Variants in WBP2 observed in about 807,000 individuals in gnomAD.
WBP2 encodes the protein WW domain binding protein 2, also known as WW domain-binding protein 2.
Under a neutral mutation model 33.0 loss-of-function variants are expected in WBP2, and 23 were observed. The observed-to-expected ratio is 0.70, with a 90% CI of 0.50 to 0.99. WBP2 has a LOEUF of 0.99. Ranked by LOEUF, WBP2 falls within the 50% of genes least tolerant of loss-of-function variation. WBP2 has a pLI of 0.00. For synonymous variants in WBP2, 153 were observed against 133.5 expected, an observed-to-expected ratio of 1.15 and a Z score of -1.01; for missense variants, 353 against 358.0, an observed-to-expected ratio of 0.99 and a Z score of 0.11.
intron 1 of WBP2, chr17:75,852,609 C>T (rs938721439): frequency 1.8e-5 from 3 of 167,236 alleles, no homozygotes; most frequent in Non-Finnish European, 3.7e-5. Flanking sequence ...GCGCCCGCCA[C>T]CACGACTGGC....
rs2064988286 is a variant in WBP2, at chr17:75,846,097, C to T, written c.*637G>A. On this transcript the variant is annotated 3_prime_UTR_variant, in exon 8 of 8. Coordinates refer to ENST00000254806, the MANE Select transcript of WBP2 (RefSeq NM_012478.4). The surrounding 1 kb of genome is among the most constrained non-coding windows in gnomAD (Gnocchi z 4.8). ...GAAACACCAGCAAAAGGCAGAAGGGCTTCCTCCCAGCCTCGGCGGCCCTGC... is the reference window on the plus strand; with the variant it reads ...GAAACACCAGCAAAAGGCAGAAGGGTTTCCTCCCAGCCTCGGCGGCCCTGC... 6.5e-6 allele frequency: 1 copy of T among 152,788 alleles called. No individual in the cohort carries two copies. The highest frequency in any genetic ancestry group is 2.4e-5 in the African/African-American group (1 of 41,460). 9.5% of individuals were successfully genotyped at this position (152,788 alleles called of 1,614,324 possible).
At chr17:75,855,988 G>T (rs900148583), upstream of WBP2, among the ~76,000 whole-genome samples, 1 of 152,166 alleles carries the variant, frequency 6.6e-6, no homozygotes, top group Non-Finnish European at 1.5e-5. Context: ...GAGGCCGTGT[G>T]CCCCGCCTGG....
intron 1 of WBP2, among the ~76,000 whole-genome samples, chr17:75,853,665 C>T (rs1313109853): frequency 6.6e-6 from 1 of 152,094 alleles, no homozygotes; most frequent in Admixed American, 6.5e-5. Flanking sequence ...TAAAAAGGTT[C>T]ACACGGTTCT....
At position 75,846,792 on chromosome 17, in the gene WBP2, A is replaced by G; in HGVS notation, c.733-5T>C. The G allele has an allele frequency of 6.4e-7, 1 of 1,570,132 alleles. No individual in the cohort carries two copies. The highest frequency in any genetic ancestry group is 2.3e-5 in the East Asian group (1 of 43,604). On this transcript the variant is annotated splice_region_variant and splice_polypyrimidine_tract_variant and intron_variant, in intron 7 of 7. Transcript: ENST00000254806. The surrounding 1 kb of genome is among the most constrained non-coding windows in gnomAD (Gnocchi z 4.8). ...GGGAGGTGGCGGCGGCTGGCTCTAAAGAAGGGAGAAAGGAGAGACTTGCAT... is the reference window on the plus strand; with the variant it reads ...GGGAGGTGGCGGCGGCTGGCTCTAAGGAAGGGAGAAAGGAGAGACTTGCAT...
rs2065027840 is a variant in WBP2 at position 75,851,602 on chromosome 17, G to T, written c.134C>A (p.Thr45Asn). The T allele has an allele frequency of 3.1e-6, 5 of 1,613,758 alleles. No homozygotes were observed. Among genetic ancestry groups the T allele is most frequent in the Non-Finnish European group, 4.2e-6 (5 of 1,179,760 alleles). Residue 45 changes from threonine (T) to asparagine (N), a missense_variant, in exon 2 of 8, where the codon ACC becomes AAC. Physicochemically the swap from Thr to Asn is moderately conservative, Grantham distance 65 (BLOSUM62 0). Transcript: ENST00000254806. ...GGTAAGGTAGACAGTGCCTTTCTTG[G>T]TCCCTTTGAAGGCTTCTGGCACGTT... ...MKNVPEAFKG[T>N]KKGTVYLTPY... is the part of the protein sequence containing the mutation.
chr17:75,848,882 C>A (rs979027471), intron 3 of WBP2: 1 of 582,580 alleles, frequency 1.7e-6, no homozygotes, highest in Admixed American at 3.0e-5. Flanking sequence ...CTCGCTTCCC[C>A]CTTTGGAACA....
chr17:75,848,882 C>G (rs979027471), intron 3 of WBP2: 2 of 582,462 alleles, frequency 3.4e-6, no homozygotes, highest in African/African-American at 1.9e-5. Context: ...CTCGCTTCCC[C>G]CTTTGGAACA....
chr17:75,855,348 C>T (rs759222953), upstream of WBP2: 5 of 1,599,966 alleles, frequency 3.1e-6, no homozygotes, highest in Non-Finnish European at 4.3e-6. Flanking sequence ...GCTTGCGCCC[C>T]TCTTCGCCCC....
At position 75,849,586 on chromosome 17, in the gene WBP2, T is replaced by C; in HGVS notation, c.304+18A>G. 1 of 1,613,774 alleles carries C rather than the reference T, an allele frequency of 6.2e-7. No individual in the cohort carries two copies. The highest frequency in any genetic ancestry group is 1.3e-5 in the African/African-American group (1 of 75,068). ...TCCCTGCAGGCCCCATGCGTGTCCC[T>C]GAGTTCCCATCACCTACCTCCCGCT... is the stretch of plus-strand genomic sequence containing the variant. On this transcript the variant is annotated intron_variant, in intron 3 of 7. Transcript: ENST00000254806.
chr17:75,847,738 GGGGAGCCTGGGTA>G (rs2065003240), intron 5 of WBP2, 45 bp downstream of exon 5: 48 of 1,530,438 alleles, frequency 3.1e-5, no homozygotes, highest in Non-Finnish European at 4.2e-5. Context: ...CCTGGCCTGG[GGGGAGCCTGGGTA>G]GGTGGGCTCA....
At chr17:75,849,212 A>G (rs1401963912) in intron 3 of WBP2, 1 of 211,248 alleles carries the variant, frequency 4.7e-6, no homozygotes, top group Non-Finnish European at 9.6e-6. Context: ...GCCTGCCAAA[A>G]AGCCAGCCCC....
At chr17:75,849,031 C>A in intron 3 of WBP2, 1 of 316,154 alleles carries the variant, frequency 3.2e-6, no homozygotes, top group Non-Finnish European at 6.0e-6. Flanking sequence ...CACTCAGCAA[C>A]AGCCGACCTT....
At chr17:75,848,520 C>T in intron 4 of WBP2, 50 bp downstream of exon 4, 1 of 1,550,314 alleles carries the variant, frequency 6.5e-7, no homozygotes, top group Non-Finnish European at 8.9e-7. Context: ...CATACCAAAC[C>T]CCTACATGTT....
intron 1 of WBP2, among the ~76,000 whole-genome samples, chr17:75,853,187 C>G (rs1489305224): frequency 6.6e-6 from 1 of 152,078 alleles, no homozygotes; most frequent in African/African-American, 2.4e-5. Context: ...GCTGGGATTA[C>G]AGGCATGCGC....
intron 1 of WBP2, 50 bp downstream of exon 1, chr17:75,855,189 C>T (rs1479093778): frequency 2.5e-6 from 2 of 804,214 alleles, no homozygotes; most frequent in East Asian, 4.9e-5. Context: ...CCGCCCACTT[C>T]CTCGACACCC....
chr17:75,853,757 G>A (rs2065041101), intron 1 of WBP2, among the ~76,000 whole-genome samples: 1 of 152,018 alleles, frequency 6.6e-6, no homozygotes, highest in Non-Finnish European at 1.5e-5. Context: ...TATAAGCAAA[G>A]GAAAATGGCT....
In WBP2 at chr17:75,845,932, G is replaced by A. The variant is rs915973390; in HGVS notation, c.*802C>T. The A allele has an allele frequency of 1.3e-5, 2 of 152,606 alleles. No individual in the cohort carries two copies. Among genetic ancestry groups the A allele is most frequent in the Non-Finnish European group, 2.9e-5 (2 of 68,292 alleles). 9.5% of individuals were successfully genotyped at this position (152,606 alleles called of 1,614,324 possible). A position where few individuals can be genotyped will look rare whatever the true frequency, so the allele number is the denominator to read the frequency against. On this transcript the variant is annotated 3_prime_UTR_variant, in exon 8 of 8. Transcript: ENST00000254806. ...AAGCAGGCTGGGGGGCTGGTGGCAG[G>A]TCCCGGCCAGCACACAGGGTCAGGG...
rs1051694785 is a variant in WBP2 at position 75,851,494 on chromosome 17, G to A, written c.168+74C>T. On this transcript the variant is annotated intron_variant, in intron 2 of 7. Transcript: ENST00000254806. The stretch of plus-strand genomic sequence containing the variant: ...CCACCTGACTCATGAGGCTGAGGCA[G>A]ACCTGAGACTAAGACTCACGTCACC... 17 of 1,176,130 alleles carry A rather than the reference G, an allele frequency of 1.4e-5. No individual in the cohort carries two copies. The Admixed American group carries it at 1.7e-4, about 12-fold the overall frequency. The allele number at this position is 1,176,130 out of a possible 1,614,324, so 72.9% of individuals were successfully genotyped here. A position where few individuals can be genotyped will look rare whatever the true frequency, so the allele number is the denominator to read the frequency against.
chr17:75,849,449 G>T lies in WBP2; in HGVS notation c.304+155C>A, dbSNP rs1006705551. On this transcript the variant is annotated intron_variant, in intron 3 of 7. Coordinates refer to ENST00000254806, the MANE Select transcript of WBP2 (RefSeq NM_012478.4). ...ATGCCAGCATTTTCCCCACCTCTTG[G>T]CAATCAAACCCCACCAGCTGGCAGC... 15 of 888,806 alleles carry T rather than the reference G, an allele frequency of 1.7e-5. No homozygotes were observed. The African/African-American group carries it at 1.9e-4, about 11-fold the overall frequency. The allele number at this position is 888,806 out of a possible 1,614,324, so 55.1% of individuals were successfully genotyped here.
Sources: allele counts gnomAD v4.1 joint callset (sites outside exome capture counted in the v4.1 genomes callset), GRCh38; gene constraint gnomAD v4.1.1; non-coding constraint Gnocchi (gnomAD v3.1); transcripts MANE v1.5; gene names NCBI Gene and HGNC (gene_info 2026-07-23, HGNC 2026-07-21).